TET1: variants seen among roughly 807,000 people sequenced by gnomAD.
TET1 encodes methylcytosine dioxygenase TET1.
In TET1, 13 loss-of-function variants were observed where a neutral mutation model predicts 148.7. The ratio of observed to expected loss-of-function variants is 0.09; its 90% CI spans 0.06 to 0.14. The LOEUF (loss-of-function observed/expected upper bound fraction) is 0.14. Ranked by LOEUF, TET1 falls within the 10% of genes least tolerant of loss-of-function variation. The pLI, the probability that TET1 is intolerant of heterozygous loss-of-function variation, is 1.00. For synonymous variants in TET1, 907 were observed against 937.2 expected (o/e 0.97, Z 0.59); for missense variants, 2,182 against 2,553.8 (o/e 0.85, Z 3.14).
chr10:68,652,032 A>C, intron 5 of TET1, 96 bp downstream of exon 5: 4 of 1,188,316 alleles, frequency 3.4e-6, no homozygotes, highest in South Asian at 2.9e-5. Flanking sequence ...TGATTGAAAA[A>C]TGATCAGGAG....
intron 2 of TET1, among the ~76,000 whole-genome samples, chr10:68,586,508 T>A (rs1372805097): frequency 6.9e-6 from 1 of 145,554 alleles, no homozygotes; most frequent in Non-Finnish European, 1.5e-5. Context: ...TTTTAATTTT[T>A]ATTTTTTGTA....
chr10:68,600,128 C>G (rs2054035009), intron 2 of TET1, among the ~76,000 whole-genome samples: 1 of 152,164 alleles, frequency 6.6e-6, no homozygotes. Flanking sequence ...ACCTCCCTGC[C>G]TTAAATATCG....
Position 68,687,428 on chromosome 10 carries a change from C to T in TET1, c.5404+721C>T, listed in dbSNP as rs939304621. On this transcript the variant is annotated intron_variant, in intron 11 of 11. Transcript: ENST00000373644. ...TCCCCATCTAATTCGAAGCCCTACT[C>T]GTTGTTGGCATAGATAAGAGACATG... Among the ~76,000 whole-genome samples the T allele has an allele frequency of 4.6e-5, 7 of 152,156 alleles. No homozygotes were observed. In the East Asian group the frequency reaches 1.2e-3, roughly 25 times the overall value.
chr10:68,687,108 C>T (rs986516621), intron 11 of TET1, among the ~76,000 whole-genome samples: 13 of 151,810 alleles, frequency 8.6e-5, no homozygotes, highest in African/African-American at 2.7e-4. Flanking sequence ...AGGATGGTCT[C>T]GATCTCCTGA....
At chr10:68,637,578 T>C (rs2054673048) in intron 3 of TET1, among the ~76,000 whole-genome samples, 1 of 141,514 alleles carries the variant, frequency 7.1e-6, no homozygotes. Context: ...CAGGCTGGAG[T>C]GCTGTGGTGC....
At chr10:68,625,983 C>T (rs1339678526) in intron 3 of TET1, among the ~76,000 whole-genome samples, 1 of 151,088 alleles carries the variant, frequency 6.6e-6, no homozygotes, top group African/African-American at 2.4e-5. Flanking sequence ...ACTCAGAAGG[C>T]TGAGGGGGGA....
In TET1 at chr10:68,657,614, C is replaced by T. The variant is rs111725421; in HGVS notation, c.4461+5020C>T. 6.2e-3 allele frequency among the ~76,000 whole-genome samples: 948 copies of T among 152,190 alleles called. 13 individuals carry two copies. The highest frequency in any genetic ancestry group is 0.021 in the African/African-American group (884 of 41,532). On this transcript the variant is annotated intron_variant, in intron 6 of 11. Transcript: ENST00000373644. ...GGCCACTACACTCTAGCCTGAGTAA[C>T]GGAATGAGCCCTGCCTACAGAGAGA...
intron 8 of TET1, among the ~76,000 whole-genome samples, chr10:68,679,040 G>C (rs1259524439): frequency 6.6e-6 from 1 of 151,980 alleles, no homozygotes; most frequent in Non-Finnish European, 1.5e-5. Context: ...ATCCGGGCGT[G>C]GTGGCTCATG....
At chr10:68,678,850 A>G (rs1469589826) in intron 8 of TET1, among the ~76,000 whole-genome samples, 2 of 152,174 alleles carry the variant, frequency 1.3e-5, no homozygotes, top group Non-Finnish European at 2.9e-5. Context: ...TCAGGATTTT[A>G]CAATATGAAT....
chr10:68,565,971 G>GT (rs1320400725), intron 1 of TET1, among the ~76,000 whole-genome samples: 8 of 152,168 alleles, frequency 5.3e-5, no homozygotes, highest in Non-Finnish European at 1.5e-5. Flanking sequence ...CGCAATCCAT[G>GT]TTGTTCATAC....
intron 8 of TET1, 37 bp from the exon 9 acceptor site, chr10:68,681,362 G>A (rs1339022060): frequency 4.3e-6 from 6 of 1,385,298 alleles, no homozygotes; most frequent in East Asian, 2.3e-5. Flanking sequence ...ATGAAGGTGC[G>A]ATTATAAAAT....
rs959135113 is a variant in TET1, at chr10:68,600,929, G to A, written c.1915-52G>A. 4 of 1,545,504 alleles carry A rather than the reference G, an allele frequency of 2.6e-6. No individual in the cohort carries two copies. The African/African-American group carries it at 5.6e-5, about 21-fold the overall frequency. On this transcript the variant is annotated intron_variant, in intron 2 of 11. Transcript: ENST00000373644. Reference sequence around the variant, plus strand: ...AGCCAAAAATTTTGGGGATGTGGGAGCTAATTTTATTTCTTAAACAGAGGC... The same window carrying A: ...AGCCAAAAATTTTGGGGATGTGGGAACTAATTTTATTTCTTAAACAGAGGC...
At position 68,670,684 on chromosome 10, in the gene TET1, T is replaced by C. The variant is rs138106786; in HGVS notation, c.4674-2211T>C. The stretch of plus-strand genomic sequence containing the variant: ...TTCAATGATATGAATAAATTTCTTA[T>C]GTTTCTATTTGTTTGGCAACTTTAA... On this transcript the variant is annotated intron_variant, in intron 7 of 11. Transcript: ENST00000373644. 3.9e-3 allele frequency among the ~76,000 whole-genome samples: 601 copies of C among 152,314 alleles called. 4 individuals carry two copies. The highest frequency in any genetic ancestry group is 0.014 in the African/African-American group (564 of 41,582).
chr10:68,563,335 T>C (rs772805976), intron 1 of TET1, among the ~76,000 whole-genome samples: 1 of 152,212 alleles, frequency 6.6e-6, no homozygotes, highest in Non-Finnish European at 1.5e-5. Flanking sequence ...TGCTCTTCCT[T>C]TCGAGGTAGA....
intron 2 of TET1, among the ~76,000 whole-genome samples, chr10:68,579,972 A>T (rs143574400): frequency 0.011 from 1,639 of 149,368 alleles, 125 homozygotes; most frequent in Admixed American, 0.086. Context: ...CTTGTTGCCC[A>T]GGCTGGAGTG....
At chr10:68,636,644 A>C (rs1383490751) in intron 3 of TET1, among the ~76,000 whole-genome samples, 1 of 152,188 alleles carries the variant, frequency 6.6e-6, no homozygotes, top group Admixed American at 6.5e-5. Context: ...ACTGCACTAC[A>C]GCCTCGGTGA....
At chr10:68,678,723 A>C (rs546929590) in intron 8 of TET1, among the ~76,000 whole-genome samples, 3 of 151,822 alleles carry the variant, frequency 2.0e-5, no homozygotes, top group Admixed American at 6.6e-5. Flanking sequence ...GCACCCCCCC[A>C]CACACAAAAA....
intron 3 of TET1, among the ~76,000 whole-genome samples, chr10:68,631,639 T>G (rs1301106170): frequency 6.6e-6 from 1 of 151,972 alleles, no homozygotes; most frequent in African/African-American, 2.4e-5. Flanking sequence ...CAGGGGACGA[T>G]TTACAGATCT....
At chr10:68,590,171 A>G (rs2053903327) in intron 2 of TET1, among the ~76,000 whole-genome samples, 1 of 151,910 alleles carries the variant, frequency 6.6e-6, no homozygotes. Context: ...GGAGTGCAGT[A>G]GTGTGATCAT....
Sources: allele counts gnomAD v4.1 joint callset (sites outside exome capture counted in the v4.1 genomes callset), GRCh38; gene constraint gnomAD v4.1.1; transcripts MANE v1.5; gene names NCBI Gene and HGNC (gene_info 2026-07-23, HGNC 2026-07-21).